Variants in SNTG2 observed in about 807,000 individuals in gnomAD.
SNTG2 encodes syntrophin gamma 2.
SNTG2 carries 74 observed loss-of-function variants against 70.9 expected under a neutral mutation model. That is an observed-to-expected ratio of 1.04 (90% CI 0.86 to 1.27). The LOEUF is 1.27. Ranked by LOEUF, SNTG2 falls within the 50% of genes most tolerant of loss-of-function variation. The pLI, the probability that SNTG2 is intolerant of heterozygous loss-of-function variation, is 0.00. For synonymous variants in SNTG2, 278 were observed against 273.8 expected, an observed-to-expected ratio of 1.02 and a Z score of -0.15; for missense variants, 717 against 690.7, an observed-to-expected ratio of 1.04 and a Z score of -0.43.
At position 1,313,779 on chromosome 2, in the gene SNTG2, C is replaced by T. The variant is rs10183861; in HGVS notation, c.1378-2486C>T. On this transcript the variant is annotated intron_variant, in intron 15 of 16. Transcript: ENST00000308624. ...GGAGCCCCAACTTGTACCTGGACCACGCTGCAGCCTGTCCCAACCCAGAGA... is the reference window on the plus strand; with the variant it reads ...GGAGCCCCAACTTGTACCTGGACCATGCTGCAGCCTGTCCCAACCCAGAGA... Among the ~76,000 whole-genome samples the T allele has an allele frequency of 2.0e-3, 312 of 152,256 alleles. 1 individual carries two copies. The highest frequency in any genetic ancestry group is 7.2e-3 in the African/African-American group (299 of 41,550).
chr2:1,197,515 A>ATGTGTGTGTGTGTGTGTGTGTGTGTG (rs71299845), intron 8 of SNTG2, among the ~76,000 whole-genome samples: 2 of 128,380 alleles, frequency 1.6e-5, no homozygotes, highest in East Asian at 5.5e-4. Context: ...ATGTATATAT[A>ATGTGTGTGTGTGTGTGTGTGTGTGTG]TGTGTGTGTG....
intron 14 of SNTG2, among the ~76,000 whole-genome samples, chr2:1,276,081 G>C (rs1679253570): frequency 6.6e-6 from 1 of 152,196 alleles, no homozygotes; most frequent in East Asian, 1.9e-4. Flanking sequence ...AGCAGAGGTG[G>C]GTTCATGAAG....
intron 1 of SNTG2, among the ~76,000 whole-genome samples, chr2:982,301 C>T (rs1049541581): frequency 6.6e-6 from 1 of 152,110 alleles, no homozygotes; most frequent in African/African-American, 2.4e-5. Context: ...CTTACAGTTA[C>T]CAGTTAGAGG....
At chr2:984,786 C>T (rs558353906) in intron 1 of SNTG2, among the ~76,000 whole-genome samples, 32 of 152,208 alleles carry the variant, frequency 2.1e-4, no homozygotes, top group Non-Finnish European at 4.6e-4. Context: ...CCAGGTGCTG[C>T]GTCAGCTCCA....
chr2:1,236,400 G>A (rs1009421533), intron 9 of SNTG2, among the ~76,000 whole-genome samples: 1 of 152,240 alleles, frequency 6.6e-6, no homozygotes, highest in Non-Finnish European at 1.5e-5. Flanking sequence ...CAGGAAAGGT[G>A]ATCAGAAAGG....
chr2:991,465 G>A (rs1351612240), intron 1 of SNTG2, among the ~76,000 whole-genome samples: 2 of 150,724 alleles, frequency 1.3e-5, no homozygotes, highest in Admixed American at 6.6e-5. Context: ...ACCCACAAAT[G>A]GACCTTATCA....
intron 9 of SNTG2, among the ~76,000 whole-genome samples, chr2:1,222,145 G>GTCTC (rs1675256911): frequency 1.4e-5 from 2 of 141,834 alleles, no homozygotes; most frequent in African/African-American, 2.6e-5. Context: ...GTCTCTCTCT[G>GTCTC]TCTCTGCCTA....
intron 11 of SNTG2, among the ~76,000 whole-genome samples, chr2:1,242,091 A>T (rs1449570346): frequency 1.3e-5 from 2 of 152,276 alleles, no homozygotes; most frequent in East Asian, 3.9e-4. Flanking sequence ...GCTGAGCTTC[A>T]TTATGTAGGA....
At position 1,367,480 on chromosome 2, in the gene SNTG2, G is replaced by A. The variant is rs1264604679; in HGVS notation, c.*6G>A. On this transcript the variant is annotated 3_prime_UTR_variant, in exon 17 of 17. Transcript: ENST00000308624. ...AATACATGTACAGCAGCTAAAGGTT[G>A]TTTCTGTTGAGTGCTGAAAAATTAA... 1 of 1,545,618 alleles carries A rather than the reference G, an allele frequency of 6.5e-7. No homozygotes were observed. The highest frequency in any genetic ancestry group is 8.7e-7 in the Non-Finnish European group (1 of 1,145,560).
At chr2:1,229,697 G>T (rs996521168) in intron 9 of SNTG2, among the ~76,000 whole-genome samples, 2 of 152,228 alleles carry the variant, frequency 1.3e-5, no homozygotes, top group African/African-American at 2.4e-5. Flanking sequence ...CAATGGAGGG[G>T]GTGGGAGGCT....
chr2:1,134,680 C>A (rs1023393241), intron 4 of SNTG2, among the ~76,000 whole-genome samples: 1 of 152,162 alleles, frequency 6.6e-6, no homozygotes, highest in African/African-American at 2.4e-5. Flanking sequence ...GATCCCCCAC[C>A]GGGGCTGCAG....
rs554498246 is a variant in SNTG2 at position 1,287,546 on chromosome 2, G to A, written c.1284+19975G>A. Among the ~76,000 whole-genome samples the A allele has an allele frequency of 5.9e-5, 9 of 151,436 alleles. No individual in the cohort carries two copies. In the East Asian group the frequency reaches 1.7e-3, roughly 29 times the overall value. ...ACATTGCTTGGTGCTGCATCTGGTT[G>A]AGCAGGGGTGGAGAATAGCAGCAGG... On this transcript the variant is annotated intron_variant, in intron 14 of 16. Transcript: ENST00000308624.
chr2:1,301,548 T>C (rs1192973597), intron 14 of SNTG2, among the ~76,000 whole-genome samples: 5 of 151,948 alleles, frequency 3.3e-5, no homozygotes, highest in Non-Finnish European at 5.9e-5. Context: ...ACAATTAAGC[T>C]CATGAAAACT....
At chr2:1,144,621 G>A (rs1464350545) in intron 6 of SNTG2, among the ~76,000 whole-genome samples, 2 of 152,164 alleles carry the variant, frequency 1.3e-5, no homozygotes, top group Non-Finnish European at 2.9e-5. Flanking sequence ...AATCATGGTG[G>A]AAGGCGAAAG....
intron 1 of SNTG2, among the ~76,000 whole-genome samples, chr2:1,074,127 T>G (rs1572367636): frequency 6.6e-6 from 1 of 152,096 alleles, no homozygotes; most frequent in African/African-American, 2.4e-5. Context: ...AGGACCAGGG[T>G]GAAGACACGG....
At chr2:1,022,774 C>G (rs1660264460) in intron 1 of SNTG2, among the ~76,000 whole-genome samples, 1 of 152,192 alleles carries the variant, frequency 6.6e-6, no homozygotes, top group African/African-American at 2.4e-5. Flanking sequence ...AATTTTCCCT[C>G]TGTCATTTCT....
intron 6 of SNTG2, among the ~76,000 whole-genome samples, chr2:1,147,519 A>G (rs1410994818): frequency 6.6e-6 from 1 of 152,188 alleles, no homozygotes; most frequent in Non-Finnish European, 1.5e-5. Flanking sequence ...TCAGCTTTGG[A>G]ACTCAGACTG....
At chr2:1,023,009 G>A (rs1660278067) in intron 1 of SNTG2, among the ~76,000 whole-genome samples, 1 of 152,112 alleles carries the variant, frequency 6.6e-6, no homozygotes, top group African/African-American at 2.4e-5. Context: ...GCAAATGAGA[G>A]TCTCCCAGGC....
intron 6 of SNTG2, among the ~76,000 whole-genome samples, chr2:1,152,216 A>C (rs1048723041): frequency 6.6e-6 from 1 of 152,210 alleles, no homozygotes; most frequent in East Asian, 1.9e-4. Flanking sequence ...GGGTAGAGCA[A>C]TTAGTCTTCA....
Sources: gnomAD v4.1 joint callset for allele counts (sites outside exome capture counted in the v4.1 genomes callset) on GRCh38, gnomAD v4.1.1 for gene constraint, MANE v1.5 for transcripts, NCBI Gene and HGNC (gene_info 2026-07-23, HGNC 2026-07-21) for gene names.